The following ARID2 variants were observed in gnomAD, a reference collection of about 807,000 sequenced individuals.
ARID2 encodes AT-rich interaction domain 2, also known as AT-rich interactive domain-containing protein 2.
In ARID2, 32 loss-of-function variants were observed where a neutral mutation model predicts 184.6. The observed-to-expected ratio is 0.17, with a 90% confidence interval of 0.13 to 0.23. The LOEUF (loss-of-function observed/expected upper bound fraction) is 0.23, where lower values mean the gene tolerates loss of function less well. ARID2 is among the 10% of genes least tolerant of loss of function. The pLI is 1.00. For missense variants in ARID2, 1,696 were observed against 2,197.6 expected (o/e 0.77, Z 4.56); for synonymous variants, 836 against 772.6 (o/e 1.08, Z -1.36).
At position 45,891,789 on chromosome 12, in the gene ARID2, G is replaced by A. The variant is rs2138231827; in HGVS notation, c.4932G>A (p.Gln1644=). 1 of 1,613,732 alleles carries A rather than the reference G, an allele frequency of 6.2e-7. No individual in the cohort carries two copies. The highest frequency in any genetic ancestry group is 8.5e-7 in the Non-Finnish European group (1 of 1,179,920). The change falls in exon 17 of 21, where the codon CAG becomes CAA. Residue 1644 remains glutamine, a synonymous_variant. Coordinates refer to ENST00000334344, the MANE Select transcript of ARID2 (RefSeq NM_152641.4). ...CTTTTATTTTTTATAGGTGGTTTCA[G>A]ACACCCTCACAGGTTTTCTACCATG... is the stretch of plus-strand genomic sequence containing the variant. ...CLWQSCKKWF[Q]TPSQVFYHAA...
intron 16 of ARID2, among the ~76,000 whole-genome samples, chr12:45,874,572 A>G (rs1331905498): frequency 6.6e-6 from 1 of 152,298 alleles, no homozygotes; most frequent in East Asian, 1.9e-4. Context: ...CTCTGCTTCT[A>G]GTTCTCTTGC....
intron 3 of ARID2, among the ~76,000 whole-genome samples, chr12:45,765,398 A>C (rs1020918937): frequency 6.6e-6 from 1 of 151,944 alleles, no homozygotes; most frequent in Non-Finnish European, 1.5e-5. Flanking sequence ...ATTTGTAGAG[A>C]TGGTGTCTCA....
chr12:45,794,964 GTTTC>G (rs1282525046), intron 3 of ARID2, among the ~76,000 whole-genome samples: 2 of 151,564 alleles, frequency 1.3e-5, no homozygotes, highest in Non-Finnish European at 2.9e-5. Context: ...TTCCCCACAA[GTTTC>G]TTTCTTTTTT....
At chr12:45,892,683 G>A (rs913238212) in intron 18 of ARID2, among the ~76,000 whole-genome samples, 7 of 152,084 alleles carry the variant, frequency 4.6e-5, no homozygotes, top group Non-Finnish European at 1.0e-4. Flanking sequence ...GTCAGAAATA[G>A]GGTTTCCTCA....
At chr12:45,870,032 C>G (rs993040222) in intron 16 of ARID2, among the ~76,000 whole-genome samples, 54 of 152,008 alleles carry the variant, frequency 3.6e-4, no homozygotes, top group Admixed American at 6.6e-5. Context: ...GTCATCCAGG[C>G]TGTAGTGCAG....
At chr12:45,820,753 T>C (rs1942881594) in intron 5 of ARID2, among the ~76,000 whole-genome samples, 1 of 152,098 alleles carries the variant, frequency 6.6e-6, no homozygotes, top group African/African-American at 2.4e-5. Flanking sequence ...GGAGAAAAAA[T>C]AACACAGGAT....
At chr12:45,855,754 T>C (rs1943635820) in intron 15 of ARID2, among the ~76,000 whole-genome samples, 1 of 152,234 alleles carries the variant, frequency 6.6e-6, no homozygotes, top group African/African-American at 2.4e-5. Context: ...GCTTACTCTG[T>C]TGACCAGGCT....
At chr12:45,811,378 T>C (rs1316092715) in intron 3 of ARID2, 40 bp from the exon 4 acceptor site, 1 of 1,573,710 alleles carries the variant, frequency 6.4e-7, no homozygotes, top group African/African-American at 1.4e-5. Context: ...AAGATATAAA[T>C]CTATTTTTAA....
At chr12:45,791,915 A>G (rs1414670342) in intron 3 of ARID2, among the ~76,000 whole-genome samples, 4 of 152,216 alleles carry the variant, frequency 2.6e-5, no homozygotes, top group Admixed American at 6.5e-5. Context: ...AGCAGGAACT[A>G]TAATTAATGT....
intron 3 of ARID2, among the ~76,000 whole-genome samples, chr12:45,804,055 T>G (rs1172588825): frequency 6.6e-6 from 1 of 152,166 alleles, no homozygotes; most frequent in African/African-American, 2.4e-5. Flanking sequence ...TTAAATGTCT[T>G]TCCCTATTGG....
intron 16 of ARID2, among the ~76,000 whole-genome samples, chr12:45,868,560 A>AAG (rs1943867142): frequency 6.6e-6 from 1 of 152,240 alleles, no homozygotes; most frequent in Admixed American, 6.5e-5. Flanking sequence ...CGTGCTTAGA[A>AAG]AGACCTTTTC....
chr12:45,821,370 A>T, intron 5 of ARID2, 50 bp from the exon 6 acceptor site: 1 of 1,153,554 alleles, frequency 8.7e-7, no homozygotes, highest in Non-Finnish European at 1.2e-6. Flanking sequence ...ATTAATTGAA[A>T]GAATTTATTG....
At chr12:45,769,458 A>C (rs1425322151) in intron 3 of ARID2, among the ~76,000 whole-genome samples, 3 of 152,218 alleles carry the variant, frequency 2.0e-5, no homozygotes, top group Non-Finnish European at 4.4e-5. Flanking sequence ...AGACAGAATT[A>C]GTTAATTTAA....
chr12:45,747,678 T>C (rs1317904869), intron 3 of ARID2, among the ~76,000 whole-genome samples: 5 of 152,186 alleles, frequency 3.3e-5, no homozygotes, highest in African/African-American at 1.2e-4. Context: ...CATTCGTCTG[T>C]CCCTAAAGCT....
At chr12:45,749,696 C>T (rs2137991964) in intron 3 of ARID2, among the ~76,000 whole-genome samples, 1 of 152,330 alleles carries the variant, frequency 6.6e-6, no homozygotes, top group Non-Finnish European at 1.5e-5. Flanking sequence ...GGATATCCTG[C>T]TGTAGATTCA....
At chr12:45,904,564 G>T (rs1297208388) in intron 20 of ARID2, among the ~76,000 whole-genome samples, 1 of 151,932 alleles carries the variant, frequency 6.6e-6, no homozygotes, top group African/African-American at 2.4e-5. Context: ...GGTGGCACAC[G>T]CCTGTTGTCC....
At chr12:45,904,532 A>T in intron 20 of ARID2, 1 of 439,048 alleles carries the variant, frequency 2.3e-6, no homozygotes, top group Non-Finnish European at 4.1e-6. Context: ...CTCTACTAAA[A>T]ATACAAAAAT....
intron 3 of ARID2, among the ~76,000 whole-genome samples, chr12:45,792,534 G>A (rs1353483220): frequency 6.6e-6 from 1 of 152,126 alleles, no homozygotes; most frequent in Non-Finnish European, 1.5e-5. Flanking sequence ...ATGTCCATTA[G>A]TTCAAGTTTG....
At chr12:45,794,660 C>T (rs1200745680) in intron 3 of ARID2, among the ~76,000 whole-genome samples, 1 of 152,108 alleles carries the variant, frequency 6.6e-6, no homozygotes, top group African/African-American at 2.4e-5. Flanking sequence ...AATGGTGTTA[C>T]CCTAATGGTA....
Sources: gnomAD v4.1 joint callset for allele counts (sites outside exome capture counted in the v4.1 genomes callset) on GRCh38, gnomAD v4.1.1 for gene constraint, MANE v1.5 for transcripts, NCBI Gene and HGNC (gene_info 2026-07-23, HGNC 2026-07-21) for gene names.